The following TMEM132D variants were observed in gnomAD, a reference collection of about 807,000 sequenced individuals.
TMEM132D encodes the protein mature OL transmembrane protein.
Under a neutral mutation model 62.3 loss-of-function variants are expected in TMEM132D, and 21 were observed. The observed-to-expected ratio is 0.34, with a 90% CI of 0.24 to 0.49. The LOEUF is 0.49. TMEM132D is among the 20% of genes least tolerant of loss of function. TMEM132D has a pLI of 0.99. For missense variants in TMEM132D, 1,346 were observed against 1,402.8 expected (o/e 0.96, Z 0.65); for synonymous variants, 621 against 575.6 (o/e 1.08, Z -1.13).
intron 4 of TMEM132D, among the ~76,000 whole-genome samples, chr12:129,273,594 G>T (rs1454321400): frequency 2.0e-5 from 3 of 151,836 alleles, no homozygotes; most frequent in Non-Finnish European, 4.4e-5. Context: ...CCATAACAGA[G>T]AACGAAATCA....
chr12:129,900,801 C>T (rs907619742), intron 1 of TMEM132D, among the ~76,000 whole-genome samples: 1 of 152,152 alleles, frequency 6.6e-6, no homozygotes, highest in African/African-American at 2.4e-5. Flanking sequence ...CATTTAAGGC[C>T]ATTCCCCAGA....
rs9705641 is a variant in TMEM132D at position 129,296,131 on chromosome 12, T to C, written c.1299+41503A>G. Among the ~76,000 whole-genome samples, 982 of 152,018 alleles carry C rather than the reference T, an allele frequency of 6.5e-3. 13 individuals carry two copies. Among genetic ancestry groups the C allele is most frequent in the African/African-American group, 0.022 (910 of 41,478 alleles). On this transcript the variant is annotated intron_variant, in intron 4 of 8. Transcript: ENST00000422113. Reference sequence around the variant, plus strand: ...GTATATTAACATGCACATACACACATACACACATCCTGTTGGTTCTGTTTT... The same window carrying C: ...GTATATTAACATGCACATACACACACACACACATCCTGTTGGTTCTGTTTT...
intron 3 of TMEM132D, among the ~76,000 whole-genome samples, chr12:129,505,420 T>C (rs1303222914): frequency 1.3e-5 from 2 of 152,098 alleles, no homozygotes; most frequent in East Asian, 1.9e-4. Flanking sequence ...TTTTTTTGTA[T>C]TTTTAGTAGA....
intron 3 of TMEM132D, among the ~76,000 whole-genome samples, chr12:129,407,847 A>G (rs181979637): frequency 0.015 from 2,321 of 150,186 alleles, 66 homozygotes; most frequent in African/African-American, 0.053. Flanking sequence ...CCGGGATCGC[A>G]CCACTGCACT....
intron 4 of TMEM132D, among the ~76,000 whole-genome samples, chr12:129,333,887 G>A (rs1187931539): frequency 4.6e-5 from 7 of 152,154 alleles, no homozygotes; most frequent in South Asian, 2.1e-4. Flanking sequence ...TTGGGAAGCC[G>A]AGGCAGGTGG....
chr12:129,209,968 T>C, intron 4 of TMEM132D: 1 of 315,302 alleles, frequency 3.2e-6, no homozygotes, highest in Non-Finnish European at 5.9e-6. Context: ...CCCTTGTAAG[T>C]GCTTTACAAA....
At chr12:129,380,570 C>T (rs10847848) in intron 3 of TMEM132D, among the ~76,000 whole-genome samples, 20 of 141,396 alleles carry the variant, frequency 1.4e-4, no homozygotes, top group Non-Finnish European at 2.3e-4. Context: ...TGTGTGTGTG[C>T]GTGTGTGTGT....
intron 3 of TMEM132D, among the ~76,000 whole-genome samples, chr12:129,527,344 T>C (rs1464136466): frequency 6.6e-6 from 1 of 152,150 alleles, no homozygotes; most frequent in Non-Finnish European, 1.5e-5. Context: ...ACATTCGTTT[T>C]AAAATGAAAC....
intron 5 of TMEM132D, among the ~76,000 whole-genome samples, chr12:129,092,262 A>G (rs909415966): frequency 1.3e-5 from 2 of 149,538 alleles, no homozygotes; most frequent in African/African-American, 4.9e-5. Context: ...AATATCACCA[A>G]CATTCTTGGT....
At chr12:129,467,571 T>C (rs894236827) in intron 3 of TMEM132D, among the ~76,000 whole-genome samples, 2 of 151,934 alleles carry the variant, frequency 1.3e-5, no homozygotes, top group African/African-American at 4.8e-5. Flanking sequence ...CCAGAGGAGA[T>C]TAAAAGGGAG....
chr12:129,589,695 A>G (rs969239586), intron 2 of TMEM132D, among the ~76,000 whole-genome samples: 5 of 152,146 alleles, frequency 3.3e-5, no homozygotes, highest in African/African-American at 1.2e-4. Flanking sequence ...GGGCAGGTGG[A>G]CCAAAGCTTA....
intron 3 of TMEM132D, among the ~76,000 whole-genome samples, chr12:129,415,113 C>T (rs7971843): frequency 0.2 from 29,809 of 152,198 alleles, 3,257 homozygotes; most frequent in Non-Finnish European, 0.25. Flanking sequence ...GTGAATTATG[C>T]TGTGATGAAC....
intron 3 of TMEM132D, among the ~76,000 whole-genome samples, chr12:129,365,038 C>T (rs76941038): frequency 0.078 from 11,833 of 152,234 alleles, 537 homozygotes; most frequent in African/African-American, 0.13. Flanking sequence ...AATTCAACTG[C>T]GTGCTTAAAG....
At chr12:129,766,661 C>G (rs965910712) in intron 1 of TMEM132D, among the ~76,000 whole-genome samples, 2 of 152,104 alleles carry the variant, frequency 1.3e-5, no homozygotes, top group Non-Finnish European at 2.9e-5. Flanking sequence ...GGAATTGGGT[C>G]TGCAATGGGT....
chr12:129,135,149 T>C (rs537695205), intron 5 of TMEM132D, among the ~76,000 whole-genome samples: 11 of 152,184 alleles, frequency 7.2e-5, no homozygotes, highest in Admixed American at 6.5e-4. Flanking sequence ...GATGGAGAGG[T>C]TGGGAAGAAC....
At chr12:129,635,115 T>C (rs971715338) in intron 2 of TMEM132D, among the ~76,000 whole-genome samples, 3 of 152,228 alleles carry the variant, frequency 2.0e-5, no homozygotes, top group African/African-American at 7.2e-5. Context: ...CACTTCTAAA[T>C]GTTTTGTCTA....
rs1256835867 is a variant in TMEM132D, at chr12:129,790,123, G to C, written c.80-89425C>G. Among the ~76,000 whole-genome samples, 3 of 152,184 alleles carry C rather than the reference G, an allele frequency of 2.0e-5. No individual in the cohort carries two copies. The East Asian group carries it at 5.8e-4, about 29-fold the overall frequency. ...GCAGGAGGGGGAGCGCAGGTGAGCAGATGCAGGAGCTGGGGCGAGTGCTTT... is the reference window on the plus strand; with the variant it reads ...GCAGGAGGGGGAGCGCAGGTGAGCACATGCAGGAGCTGGGGCGAGTGCTTT... On this transcript the variant is annotated intron_variant, in intron 1 of 8. Coordinates refer to ENST00000422113, the MANE Select transcript of TMEM132D (RefSeq NM_133448.3).
rs1232749653 is a variant in TMEM132D at position 129,513,689 on chromosome 12, G to C, written c.1115+17370C>G. The stretch of plus-strand genomic sequence containing the variant: ...TTTAGTAGAGACGGGGTTTCACCGT[G>C]TCAGCCAGGATGGTCTCGATCTCCT... On this transcript the variant is annotated intron_variant, in intron 3 of 8. Coordinates refer to ENST00000422113, the MANE Select transcript of TMEM132D (RefSeq NM_133448.3). 2.0e-5 allele frequency among the ~76,000 whole-genome samples: 3 copies of C among 151,466 alleles called. No homozygotes were observed. The East Asian group carries it at 5.9e-4, about 30-fold the overall frequency.
At chr12:129,487,042 G>A (rs991427877) in intron 3 of TMEM132D, among the ~76,000 whole-genome samples, 2 of 149,080 alleles carry the variant, frequency 1.3e-5, no homozygotes, top group African/African-American at 5.0e-5. Flanking sequence ...GGGGGGGGGG[G>A]TTGTGGGTGT....
Sources: allele counts gnomAD v4.1 joint callset (sites outside exome capture counted in the v4.1 genomes callset), GRCh38; gene constraint gnomAD v4.1.1; transcripts MANE v1.5; gene names NCBI Gene and HGNC (gene_info 2026-07-23, HGNC 2026-07-21).